RGS5: variants seen among roughly 807,000 people sequenced by gnomAD.
RGS5 encodes the protein regulator of G protein signaling 5.
RGS5 carries 20 observed loss-of-function variants against 18.9 expected under a neutral mutation model. That is an observed-to-expected ratio of 1.06 (90% CI 0.74 to 1.54). The LOEUF (loss-of-function observed/expected upper bound fraction) is 1.54. Ranked by LOEUF, RGS5 falls within the 40% of genes most tolerant of loss-of-function variation. The pLI is 0.00. For synonymous variants in RGS5, 57 were observed against 76.2 expected, an observed-to-expected ratio of 0.75 and a Z score of 1.31; for missense variants, 201 against 211.8, an observed-to-expected ratio of 0.95 and a Z score of 0.32.
At position 163,145,886 on chromosome 1, in the gene RGS5, G is replaced by A. The variant is rs1297853557; in HGVS notation, c.*1456C>T. 1 of 152,154 alleles carries A rather than the reference G, an allele frequency of 6.6e-6. No homozygotes were observed. The highest frequency in any genetic ancestry group is 1.5e-5 in the Non-Finnish European group (1 of 68,022). The allele number at this position is 152,154 out of a possible 1,614,324, so 9.4% of individuals were successfully genotyped here. A position where few individuals can be genotyped will look rare whatever the true frequency, so the allele number is the denominator to read the frequency against. Reference sequence around the variant, plus strand: ...AGGAGGAAATACAAGACTAGACAATGTAATCTTCTACTTAACATTTCAGAA... The same window carrying A: ...AGGAGGAAATACAAGACTAGACAATATAATCTTCTACTTAACATTTCAGAA... On this transcript the variant is annotated 3_prime_UTR_variant, in exon 5 of 5. Transcript: ENST00000313961.
intron 2 of RGS5, among the ~76,000 whole-genome samples, chr1:163,229,682 A>T (rs552915938): frequency 2.6e-5 from 4 of 152,338 alleles, no homozygotes; most frequent in African/African-American, 9.6e-5. Flanking sequence ...CTCTCCTCAG[A>T]TAGCTACATG....
chr1:163,165,528 G>A lies in RGS5; in HGVS notation c.155+2730C>T, dbSNP rs73024741. On this transcript the variant is annotated intron_variant, in intron 2 of 4. Transcript: ENST00000313961. The stretch of plus-strand genomic sequence containing the variant: ...GCCTTAAGGAATGCTCACATCCAGA[G>A]GGTGAGCAACAGTGGGAGCACTTAG... Among the ~76,000 whole-genome samples, 1,437 of 152,312 alleles carry A rather than the reference G, an allele frequency of 9.4e-3. 15 individuals are homozygous for A. The highest frequency in any genetic ancestry group is 0.032 in the African/African-American group (1,343 of 41,558).
upstream of RGS5, among the ~76,000 whole-genome samples, chr1:163,219,985 C>T (rs756640033): frequency 2.0e-5 from 3 of 151,976 alleles, no homozygotes; most frequent in African/African-American, 4.8e-5. Context: ...TAGTAGATAC[C>T]GCCAGTTTTT....
chr1:163,151,195 T>C (rs1458400287), intron 4 of RGS5, among the ~76,000 whole-genome samples: 1 of 152,176 alleles, frequency 6.6e-6, no homozygotes, highest in Admixed American at 6.5e-5. Context: ...TGGGCTTTAA[T>C]AGTCAATCAG....
At chr1:163,277,712 C>T (rs1648891927) in intron 2 of RGS5, among the ~76,000 whole-genome samples, 1 of 152,122 alleles carries the variant, frequency 6.6e-6, no homozygotes, top group South Asian at 2.1e-4. Flanking sequence ...GACATGGTGC[C>T]ATCCCTCTTT....
At chr1:163,178,302 ACT>A (rs1210396131) in intron 1 of RGS5, among the ~76,000 whole-genome samples, 2 of 152,122 alleles carry the variant, frequency 1.3e-5, no homozygotes, top group African/African-American at 4.8e-5. Context: ...CAAAAGGGAG[ACT>A]CTGTCTCAAA....
intron 2 of RGS5, among the ~76,000 whole-genome samples, chr1:163,272,893 T>C (rs1439454261): frequency 1.3e-5 from 2 of 152,134 alleles, no homozygotes; most frequent in Non-Finnish European, 2.9e-5. Context: ...TTATAAAAAT[T>C]GACAGGTCAG....
At chr1:163,285,946 G>A (rs1649132691) in intron 2 of RGS5, among the ~76,000 whole-genome samples, 1 of 151,472 alleles carries the variant, frequency 6.6e-6, no homozygotes, top group Non-Finnish European at 1.5e-5. Flanking sequence ...CCCAGTCTCA[G>A]GTATGTCTTT....
chr1:163,239,487 TAA>T (rs35982197), intron 2 of RGS5, among the ~76,000 whole-genome samples: 140 of 133,198 alleles, frequency 1.1e-3, no homozygotes, highest in Non-Finnish European at 1.1e-3. Flanking sequence ...ATCCGTCTCT[TAA>T]AAAAAAAAAA....
intron 2 of RGS5, among the ~76,000 whole-genome samples, chr1:163,226,347 G>C (rs1647335416): frequency 6.6e-6 from 1 of 152,218 alleles, no homozygotes. Context: ...CACTAGGGTA[G>C]AAACTGCAGG....
intron 2 of RGS5, among the ~76,000 whole-genome samples, chr1:163,234,811 C>A (rs1194238416): frequency 6.6e-6 from 1 of 152,190 alleles, no homozygotes; most frequent in Non-Finnish European, 1.5e-5. Flanking sequence ...GGAGGGCTGG[C>A]TGAGCTGTGA....
At chr1:163,246,576 C>T (rs796178179) in intron 2 of RGS5, among the ~76,000 whole-genome samples, 4 of 151,836 alleles carry the variant, frequency 2.6e-5, no homozygotes, top group South Asian at 4.2e-4. Flanking sequence ...GTCTGAAAAA[C>T]AAAAAACAAA....
At chr1:163,312,979 C>T (rs149311502) in intron 1 of RGS5, among the ~76,000 whole-genome samples, 1 of 152,112 alleles carries the variant, frequency 6.6e-6, no homozygotes, top group African/African-American at 2.4e-5. Flanking sequence ...TAGCTAATCA[C>T]CTGCATGGTT....
At chr1:163,252,283 A>G (rs1236087557) in intron 2 of RGS5, among the ~76,000 whole-genome samples, 1 of 134,668 alleles carries the variant, frequency 7.4e-6, no homozygotes, top group African/African-American at 2.7e-5. Flanking sequence ...CCATTTTCCA[A>G]ATTTTACTGT....
rs1040237908 is a variant in RGS5, at chr1:163,147,387, C to T, written c.501G>A (p.Leu167=). 1 of 1,612,122 alleles carries T rather than the reference C, an allele frequency of 6.2e-7. No individual in the cohort carries two copies. The highest frequency in any genetic ancestry group is 8.5e-7 in the Non-Finnish European group (1 of 1,179,092). Residue 167 remains leucine, a synonymous_variant, in exon 5 of 5, where the codon CTG becomes CTA. Transcript: ENST00000313961. ...RIHALMEKDS[L]PRFVRSEFYQ... The stretch of plus-strand genomic sequence containing the variant: ...AAAACTCAGAGCGCACAAAGCGAGG[C>T]AGAGAATCCTTTTCCATCAGGGCAT...
At chr1:163,312,697 A>C (rs922202829) in intron 1 of RGS5, among the ~76,000 whole-genome samples, 2 of 152,246 alleles carry the variant, frequency 1.3e-5, no homozygotes, top group East Asian at 3.8e-4. Flanking sequence ...ATGGATTAGT[A>C]GACAGGAATC....
chr1:163,179,405 A>G (rs935179465), intron 1 of RGS5, among the ~76,000 whole-genome samples: 3 of 152,248 alleles, frequency 2.0e-5, no homozygotes, highest in Non-Finnish European at 4.4e-5. Flanking sequence ...CACATGTACT[A>G]TGGTACTCCA....
At chr1:163,230,711 T>C (rs1647457928) in intron 2 of RGS5, among the ~76,000 whole-genome samples, 1 of 152,204 alleles carries the variant, frequency 6.6e-6, no homozygotes, top group Admixed American at 6.5e-5. Flanking sequence ...GATAAAAGAT[T>C]TATAACACCT....
chr1:163,161,501 AG>A (rs1657795644), intron 3 of RGS5, among the ~76,000 whole-genome samples: 1 of 152,208 alleles, frequency 6.6e-6, no homozygotes, highest in African/African-American at 2.4e-5. Flanking sequence ...AGTTTGAACC[AG>A]GATGTACTAC....
Sources: gnomAD v4.1 joint callset for allele counts (sites outside exome capture counted in the v4.1 genomes callset) on GRCh38, gnomAD v4.1.1 for gene constraint, MANE v1.5 for transcripts, NCBI Gene and HGNC (gene_info 2026-07-23, HGNC 2026-07-21) for gene names.